Variants in BCCIP observed in about 807,000 individuals in gnomAD.
The protein encoded by BCCIP is BRCA2 and CDKN1A-interacting protein.
BCCIP carries 23 observed loss-of-function variants against 32.8 expected under a neutral mutation model. The ratio of observed to expected loss-of-function variants is 0.70; its 90% CI spans 0.51 to 0.99. The LOEUF is 0.99. Ranked by LOEUF, BCCIP falls within the 50% of genes least tolerant of loss-of-function variation. The probability of loss-of-function intolerance (pLI) is 0.00; values close to 1 mark genes in which losing one functional copy is unlikely to be tolerated. For synonymous variants in BCCIP, 144 were observed against 137.6 expected (o/e 1.05, Z -0.33); for missense variants, 378 against 379.8 (o/e 1.00, Z 0.04).
chr10:125,836,547 A>C lies in BCCIP; in HGVS notation c.*273A>C. The C allele has an allele frequency of 7.5e-7, 1 of 1,330,864 alleles. No homozygotes were observed. Among genetic ancestry groups the C allele is most frequent in the South Asian group, 1.8e-5 (1 of 55,926 alleles). The allele number at this position is 1,330,864 out of a possible 1,614,324, so 82.4% of individuals were successfully genotyped here. A position where few individuals can be genotyped will look rare whatever the true frequency, so the allele number is the denominator to read the frequency against. On this transcript the variant is annotated 3_prime_UTR_variant, in exon 7 of 7. Transcript: ENST00000278100. ...TAAAAACTTCTATTTTTTATTTTAAAATAATATACACAGTGTTATTTTCTT... is the reference window on the plus strand; with the variant it reads ...TAAAAACTTCTATTTTTTATTTTAACATAATATACACAGTGTTATTTTCTT...
rs1436153833 is a variant in BCCIP at position 125,823,546 on chromosome 10, G to GTGAGCGGCAACATGGCGTCCAGGTC, written c.-10_15dup. 6.2e-7 allele frequency: 1 copy of GTGAGCGGCAACATGGCGTCCAGGTC among 1,613,074 alleles called. No homozygotes were observed. Among genetic ancestry groups the GTGAGCGGCAACATGGCGTCCAGGTC allele is most frequent in the East Asian group, 2.2e-5 (1 of 44,870 alleles). On this transcript the variant is annotated 5_prime_UTR_variant, in exon 1 of 7. The change creates a new upstream start codon in the 5' untranslated region. Coordinates refer to ENST00000278100, the MANE Select transcript of BCCIP (RefSeq NM_078468.3). The stretch of plus-strand genomic sequence containing the variant: ...CAAGGGGAAGCTGCGCAGGCGCAGT[G>GTGAGCGGCAACATGGCGTCCAGGTC]TGAGCGGCAACATGGCGTCCAGGTC...
At chr10:125,831,306 T>C in intron 4 of BCCIP, 114 bp from the exon 5 acceptor site, 1 of 972,028 alleles carries the variant, frequency 1.0e-6, no homozygotes, top group South Asian at 1.6e-5. Flanking sequence ...ACGTTAAGGC[T>C]ATGGCAGGAA....
chr10:125,831,611 A>T lies in BCCIP; in HGVS notation c.599+4A>T. 1 of 1,597,840 alleles carries T rather than the reference A, an allele frequency of 6.3e-7. No homozygotes were observed. The highest frequency in any genetic ancestry group is 8.5e-7 in the Non-Finnish European group (1 of 1,173,220). Reference sequence around the variant, plus strand: ...TGCCCATGTACCAGCAGCTTCAGTAAGAGATTCTGGGAAAATATCTTTGAA... The same window carrying T: ...TGCCCATGTACCAGCAGCTTCAGTATGAGATTCTGGGAAAATATCTTTGAA... On this transcript the variant is annotated splice_donor_region_variant and intron_variant, in intron 5 of 6. Transcript: ENST00000278100.
chr10:125,824,537 AATTCCTCCCTTTCCTC>A (rs1469051022), intron 1 of BCCIP, among the ~76,000 whole-genome samples: 1 of 152,242 alleles, frequency 6.6e-6, no homozygotes, highest in African/African-American at 2.4e-5. Flanking sequence ...GCTTAACTTT[AATTCCTCCCTTTCCTC>A]ATCCTATATC....
downstream of BCCIP, among the ~76,000 whole-genome samples, chr10:125,844,946 CA>C (rs1283254172): frequency 1.3e-5 from 2 of 152,246 alleles, no homozygotes; most frequent in African/African-American, 4.8e-5. Flanking sequence ...GCTATCATTA[CA>C]GTATTTCTTC....
At chr10:125,833,640 A>C in intron 5 of BCCIP, 132 bp from the exon 6 acceptor site, 1 of 747,348 alleles carries the variant, frequency 1.3e-6, no homozygotes, top group Non-Finnish European at 2.2e-6. Context: ...CTGTAGACTA[A>C]GTGTTCAGAT....
At chr10:125,835,134 GA>G (rs1054227710) in intron 6 of BCCIP, among the ~76,000 whole-genome samples, 20 of 144,576 alleles carry the variant, frequency 1.4e-4, no homozygotes, top group Admixed American at 2.8e-4. Context: ...CTCTGTCTCA[GA>G]AAAAAAAAAA....
downstream of BCCIP, among the ~76,000 whole-genome samples, chr10:125,846,988 G>C (rs1944030194): frequency 6.6e-6 from 1 of 152,224 alleles, no homozygotes; most frequent in Non-Finnish European, 1.5e-5. Flanking sequence ...TCAATGGACA[G>C]AGAGAAATGC....
At chr10:125,832,621 C>G (rs1375479678) in intron 5 of BCCIP, among the ~76,000 whole-genome samples, 2 of 151,550 alleles carry the variant, frequency 1.3e-5, no homozygotes, top group Non-Finnish European at 2.9e-5. Context: ...GATTTGCTTT[C>G]TCCTAGTCCT....
At position 125,853,278 on chromosome 10, in the gene BCCIP, T is replaced by C. The variant is rs372952201; in HGVS notation, c.*35T>C. On this transcript the variant is annotated 3_prime_UTR_variant, in exon 8 of 8. Coordinates refer to the BCCIP transcript ENST00000368759. ...GATATTTAGGAGGCTCATAGTCTCC[T>C]GGAGGGATAAAACATCTCGGCACCT... 53 of 1,358,416 alleles carry C rather than the reference T, an allele frequency of 3.9e-5. No individual in the cohort carries two copies. In the African/African-American group the frequency reaches 7.3e-4, roughly 19 times the overall value. 84.1% of individuals were successfully genotyped at this position (1,358,416 alleles called of 1,614,324 possible).
Position 125,836,419 on chromosome 10 carries a change from A to C in BCCIP, c.*145A>C. On this transcript the variant is annotated 3_prime_UTR_variant, in exon 7 of 7. Transcript: ENST00000278100. ...TGTCCCATGTGTCTCTGACACATTT[A>C]CAAAATACCAGTTTTTTAAAATTTT... 1 of 1,457,310 alleles carries C rather than the reference A, an allele frequency of 6.9e-7. No individual in the cohort carries two copies. Among genetic ancestry groups the C allele is most frequent in the South Asian group, 1.5e-5 (1 of 67,886 alleles). 90.3% of individuals were successfully genotyped at this position (1,457,310 alleles called of 1,614,324 possible).
At chr10:125,838,475 A>G (rs1854772077), downstream of BCCIP, 1 of 1,240,378 alleles carries the variant, frequency 8.1e-7, no homozygotes, top group South Asian at 1.7e-5. Flanking sequence ...ATACCAAAGT[A>G]TTTTATACGG....
downstream of BCCIP, among the ~76,000 whole-genome samples, chr10:125,843,485 G>A (rs1055918580): frequency 6.6e-6 from 1 of 152,064 alleles, no homozygotes; most frequent in Non-Finnish European, 1.5e-5. Flanking sequence ...GGTGGCAGGC[G>A]CCTGTGGTCC....
At chr10:125,841,392 A>G, downstream of BCCIP, 2 of 1,609,442 alleles carry the variant, frequency 1.2e-6, no homozygotes, top group Non-Finnish European at 1.7e-6. Context: ...GAATGAAGCC[A>G]ATAGGAAATA....
In BCCIP at chr10:125,831,449, G is replaced by A. The variant is rs1365706208; in HGVS notation, c.441G>A (p.Glu147=). ...KGTQCVEQIQ[E]LVLRFCEKNC... ...CCCAGTGTGTTGAACAAATTCAAGA[G>A]TTGGTTCTACGCTTCTGTGAGAAGA... The change falls in exon 5 of 7, where the codon GAG becomes GAA. Residue 147 remains glutamate (E), a synonymous_variant. Transcript: ENST00000278100. 1.2e-6 allele frequency: 2 copies of A among 1,614,094 alleles called. No homozygotes were observed. The highest frequency in any genetic ancestry group is 1.1e-5 in the South Asian group (1 of 91,090).
exon 7 of BCCIP, chr10:125,842,683 C>A: frequency 3.6e-6 from 1 of 281,034 alleles, no homozygotes; most frequent in Non-Finnish European, 5.4e-6. Flanking sequence ...GCATGAAAAG[C>A]AGGAAAATAC....
downstream of BCCIP, among the ~76,000 whole-genome samples, chr10:125,837,017 C>T (rs936991459): frequency 6.6e-6 from 1 of 152,100 alleles, no homozygotes; most frequent in East Asian, 1.9e-4. Context: ...AAAATAAATA[C>T]TTTCTGTTTT....
chr10:125,839,337 A>G (rs760311984), downstream of BCCIP: 1 of 773,104 alleles, frequency 1.3e-6, no homozygotes, highest in Non-Finnish European at 2.0e-6. Context: ...CAGCAAGGAC[A>G]AGGATTTCTG....
At chr10:125,829,861 A>G (rs1456556933) in intron 3 of BCCIP, among the ~76,000 whole-genome samples, 6 of 152,270 alleles carry the variant, frequency 3.9e-5, no homozygotes, top group Non-Finnish European at 7.3e-5. Context: ...AATCACATCA[A>G]TAGCTCTGCA....
Sources: gnomAD v4.1 joint callset for allele counts (sites outside exome capture counted in the v4.1 genomes callset) on GRCh38, gnomAD v4.1.1 for gene constraint, MANE v1.5 for transcripts, NCBI Gene and HGNC (gene_info 2026-07-23, HGNC 2026-07-21) for gene names.